NEDD9: variants seen among roughly 807,000 people sequenced by gnomAD.
NEDD9 encodes the protein enhancer of filamentation 1.
A neutral mutation model predicts 76.6 loss-of-function variants in NEDD9; 26 were observed. The ratio of observed to expected loss-of-function variants is 0.34; its 90% CI spans 0.25 to 0.47. The LOEUF is 0.47. Among genes scored for constraint, NEDD9 ranks in the 20% least tolerant of loss-of-function variants. The probability of loss-of-function intolerance (pLI) is 1.00; values close to 1 mark genes in which losing one functional copy is unlikely to be tolerated. For synonymous variants in NEDD9, 392 were observed against 414.2 expected, an observed-to-expected ratio of 0.95 and a Z score of 0.65; for missense variants, 937 against 1,058.5, an observed-to-expected ratio of 0.89 and a Z score of 1.59.
At chr6:11,331,236 C>A (rs768303657) in intron 2 of NEDD9, among the ~76,000 whole-genome samples, 1 of 151,968 alleles carries the variant, frequency 6.6e-6, no homozygotes, top group African/African-American at 2.4e-5. Flanking sequence ...AGGGGAACTG[C>A]GGTATAAGAA....
intron 1 of NEDD9, among the ~76,000 whole-genome samples, chr6:11,357,318 T>C (rs933160131): frequency 1.3e-5 from 2 of 152,154 alleles, no homozygotes; most frequent in East Asian, 3.9e-4. Context: ...CTTTGGCTTG[T>C]TTTTCTTCTC....
At chr6:11,195,069 C>T (rs779764971) in intron 2 of NEDD9, among the ~76,000 whole-genome samples, 1 of 152,174 alleles carries the variant, frequency 6.6e-6, no homozygotes. Flanking sequence ...AAAACTCTGG[C>T]GTCAGGCTGC....
chr6:11,213,794 C>A lies in NEDD9; in HGVS notation c.13-67G>T. 1.4e-6 allele frequency: 2 copies of A among 1,431,420 alleles called. No individual in the cohort carries two copies. Among genetic ancestry groups the A allele is most frequent in the Admixed American group, 1.9e-5 (1 of 53,162 alleles). 88.7% of individuals were successfully genotyped at this position (1,431,420 alleles called of 1,614,324 possible). A position where few individuals can be genotyped will look rare whatever the true frequency, so the allele number is the denominator to read the frequency against. On this transcript the variant is annotated intron_variant, in intron 1 of 6. Transcript: ENST00000379446. The surrounding 1 kb of genome is among the most constrained non-coding windows in gnomAD (Gnocchi z 5.4). ...GGTCGGTCCCTTTATCACCTAAGGC[C>A]CGTGCTCTTATGGAAAGGCACACTT... is the stretch of plus-strand genomic sequence containing the variant.
chr6:11,185,150 T>C lies in NEDD9; in HGVS notation c.*12A>G. On this transcript the variant is annotated 3_prime_UTR_variant, in exon 7 of 7. Transcript: ENST00000379446. ...AACCGTTAACGCAGTCCCCTTCCTCTTTTTTTTCTTCTCAGAACGTTGCCA... is the reference window on the plus strand; with the variant it reads ...AACCGTTAACGCAGTCCCCTTCCTCCTTTTTTTCTTCTCAGAACGTTGCCA... 7.5e-6 allele frequency: 12 copies of C among 1,598,682 alleles called. No individual in the cohort carries two copies. Among genetic ancestry groups the C allele is most frequent in the Non-Finnish European group, 1.0e-5 (12 of 1,169,034 alleles).
Position 11,192,353 on chromosome 6 carries a change from T to G in NEDD9, c.655A>C (p.Thr219Pro), listed in dbSNP as rs1460467511. Reference sequence around the variant, plus strand: ...TGTAGTCACTCACTCACCCCTTTTGTAGGCGGGATGTCATACACCCCTTGA... The same window carrying G: ...TGTAGTCACTCACTCACCCCTTTTGGAGGCGGGATGTCATACACCCCTTGA... ...KPQGVYDIPPTKGVYAIPPSA... is the reference protein window; with the variant it reads ...KPQGVYDIPPPKGVYAIPPSA... The change falls in exon 4 of 7, where the codon ACA becomes CCA. Residue 219 changes from threonine (T) to proline (P), a missense_variant. Thr to Pro is a conservative substitution (Grantham distance 38). Coordinates refer to ENST00000379446, the MANE Select transcript of NEDD9 (RefSeq NM_006403.4). 1 of 1,575,214 alleles carries G rather than the reference T, an allele frequency of 6.3e-7. No homozygotes were observed. The highest frequency in any genetic ancestry group is 8.6e-7 in the Non-Finnish European group (1 of 1,161,970).
At chr6:11,280,077 G>A (rs1180828822) in intron 3 of NEDD9, among the ~76,000 whole-genome samples, 1 of 152,144 alleles carries the variant, frequency 6.6e-6, no homozygotes, top group Non-Finnish European at 1.5e-5. Context: ...TGCATTATAG[G>A]ATGTTTTGCA....
intron 5 of NEDD9, among the ~76,000 whole-genome samples, chr6:11,189,723 G>A (rs1335616058): frequency 2.6e-5 from 4 of 152,120 alleles, no homozygotes; most frequent in African/African-American, 9.7e-5. Context: ...GGCCCAAGGA[G>A]GTTGAATAAG....
chr6:11,205,260 G>A (rs144863933), intron 2 of NEDD9, among the ~76,000 whole-genome samples: 15 of 152,334 alleles, frequency 9.8e-5, no homozygotes, highest in Middle Eastern at 3.4e-3. Context: ...AGGCTGTGGA[G>A]AGGATCAGGT....
At chr6:11,358,500 T>C (rs571561711) in intron 1 of NEDD9, among the ~76,000 whole-genome samples, 1 of 152,238 alleles carries the variant, frequency 6.6e-6, no homozygotes, top group African/African-American at 2.4e-5. Context: ...ACAGGAAAAC[T>C]GTTAGAGAAT....
At position 11,364,986 on chromosome 6, in the gene NEDD9, G is replaced by A. The variant is rs188804114; in HGVS notation, c.-214+17153C>T. 1.1e-3 allele frequency among the ~76,000 whole-genome samples: 167 copies of A among 152,214 alleles called. 1 individual carries two copies. The highest frequency in any genetic ancestry group is 7.2e-3 in the Admixed American group (110 of 15,286). ...CTGGCACCGGGGTAAGAGCGGTGAG[G>A]GTCAGTGTAGCAGGCTGGGCATTCA... On this transcript the variant is annotated intron_variant, in intron 1 of 3. Transcript: ENST00000397378.
At position 11,378,793 on chromosome 6, in the gene NEDD9, T is replaced by A. The variant is rs554008701; in HGVS notation, c.-214+3346A>T. Among the ~76,000 whole-genome samples, 22 of 152,310 alleles carry A rather than the reference T, an allele frequency of 1.4e-4. 1 individual carries two copies. Among genetic ancestry groups the A allele is most frequent in the South Asian group, 8.3e-4 (4 of 4,824 alleles). Reference sequence around the variant, plus strand: ...CCTCTAGTTAAGTGAATTACAGACCTTCACGAACCAGAGCTTCTAATCTGA... The same window carrying A: ...CCTCTAGTTAAGTGAATTACAGACCATCACGAACCAGAGCTTCTAATCTGA... On this transcript the variant is annotated intron_variant, in intron 1 of 3. Coordinates refer to the NEDD9 transcript ENST00000397378.
intron 2 of NEDD9, among the ~76,000 whole-genome samples, chr6:11,308,677 T>C (rs898461358): frequency 2.6e-5 from 4 of 152,158 alleles, no homozygotes; most frequent in African/African-American, 9.7e-5. Context: ...CCGGGACATC[T>C]TTTATTTAAC....
chr6:11,342,129 A>G (rs1762285327), intron 1 of NEDD9, among the ~76,000 whole-genome samples: 1 of 152,142 alleles, frequency 6.6e-6, no homozygotes, highest in Non-Finnish European at 1.5e-5. Context: ...GCAGTAGAAA[A>G]TATCAAATCT....
chr6:11,342,715 C>CACAAAGAATG (rs771373116), intron 1 of NEDD9, among the ~76,000 whole-genome samples: 3 of 152,024 alleles, frequency 2.0e-5, no homozygotes, highest in Non-Finnish European at 2.9e-5. Flanking sequence ...GAAGAAACCA[C>CACAAAGAATG]ACAAAGAATG....
At chr6:11,249,107 T>C (rs746214109) in intron 3 of NEDD9, 4 of 455,942 alleles carry the variant, frequency 8.8e-6, no homozygotes, top group South Asian at 6.2e-5. Flanking sequence ...ATTTTGGATG[T>C]TTCTGCGAGG....
intron 1 of NEDD9, among the ~76,000 whole-genome samples, chr6:11,378,421 A>G (rs1763004222): frequency 1.3e-5 from 2 of 152,252 alleles, no homozygotes; most frequent in Middle Eastern, 3.4e-3. Flanking sequence ...CCATGAGCCA[A>G]TTAAACCTTT....
chr6:11,190,215 T>A lies in NEDD9; in HGVS notation c.1654A>T (p.Asn552Tyr). The change falls in exon 5 of 7, where the codon AAC becomes TAC. Residue 552 changes from asparagine to tyrosine, a missense_variant. Asn to Tyr is a moderately radical substitution (Grantham distance 143, BLOSUM62 -2). Transcript: ENST00000379446. This position sits in a 1 kb window ranked among gnomAD's most constrained non-coding sequence, Gnocchi z 5.8. ...CCGGGTCTGAAGAGGGCCTCTGCGT[T>A]GGTGTTGATGGTTGTGGTGAGCTGC... ...AKQLTTTINT[N>Y]AEALFRPGPG... 2 of 1,614,212 alleles carry A rather than the reference T, an allele frequency of 1.2e-6. No homozygotes were observed. Among genetic ancestry groups the A allele is most frequent in the Non-Finnish European group, 1.7e-6 (2 of 1,180,030 alleles).
chr6:11,200,580 A>G lies in NEDD9; in HGVS notation c.460-6888T>C, dbSNP rs568807447. On this transcript the variant is annotated intron_variant, in intron 2 of 6. Transcript: ENST00000379446. ...CAGATCTCAAGGCTGTTTCCTTTCA[A>G]AATGTTTTAGGATCAAATCATGGGA... 2.6e-5 allele frequency: 28 copies of G among 1,081,050 alleles called. 1 individual carries two copies. The highest frequency in any genetic ancestry group is 8.5e-4 in the Middle Eastern group (2 of 2,346). The allele number at this position is 1,081,050 out of a possible 1,614,324, so 67.0% of individuals were successfully genotyped here.
upstream of NEDD9, among the ~76,000 whole-genome samples, chr6:11,237,525 G>C (rs1359516724): frequency 6.6e-6 from 1 of 152,132 alleles, no homozygotes; most frequent in Non-Finnish European, 1.5e-5. The surrounding 1 kb of genome is among the most constrained non-coding windows in gnomAD (Gnocchi z 4.9). Flanking sequence ...TGCTAGTTCT[G>C]CATCTATGAG....
Sources: allele counts gnomAD v4.1 joint callset (sites outside exome capture counted in the v4.1 genomes callset), GRCh38; gene constraint gnomAD v4.1.1; non-coding constraint Gnocchi (gnomAD v3.1); transcripts MANE v1.5; gene names NCBI Gene and HGNC (gene_info 2026-07-23, HGNC 2026-07-21).